The following PLCB1 variants were observed in gnomAD, a reference collection of about 807,000 sequenced individuals.
The protein encoded by PLCB1 is phospholipase C beta 1.
A neutral mutation model predicts 161.8 loss-of-function variants in PLCB1; 46 were observed. The ratio of observed to expected loss-of-function variants is 0.28; its 90% CI spans 0.22 to 0.36. PLCB1 has a LOEUF of 0.36. Ranked by LOEUF, PLCB1 falls within the 10% of genes least tolerant of loss-of-function variation. PLCB1 has a pLI of 1.00. For missense variants in PLCB1, 1,016 were observed against 1,472.5 expected (o/e 0.69, Z 5.07); for synonymous variants, 517 against 503.7 (o/e 1.03, Z -0.35).
intron 9 of PLCB1, among the ~76,000 whole-genome samples, chr20:8,674,163 C>A (rs1464479208): frequency 6.6e-6 from 1 of 152,136 alleles, no homozygotes; most frequent in African/African-American, 2.4e-5. Flanking sequence ...GATGAAGAGA[C>A]CAAAACTAGC....
intron 2 of PLCB1, among the ~76,000 whole-genome samples, chr20:8,193,638 C>T (rs2051993684): frequency 6.6e-6 from 1 of 151,928 alleles, no homozygotes. Flanking sequence ...ACTTTTTATA[C>T]TTCATAATTT....
intron 24 of PLCB1, among the ~76,000 whole-genome samples, chr20:8,758,536 G>A (rs6118310): frequency 0.24 from 36,114 of 151,630 alleles, 4,965 homozygotes; most frequent in Non-Finnish European, 0.32. Flanking sequence ...AGCTGAGATC[G>A]CACCACTGCA....
At chr20:8,871,304 C>T (rs1184655089) in intron 31 of PLCB1, among the ~76,000 whole-genome samples, 2 of 152,030 alleles carry the variant, frequency 1.3e-5, no homozygotes, top group South Asian at 2.1e-4. Flanking sequence ...AGGGAATTTA[C>T]AGCTACAGAG....
At chr20:8,377,960 T>C (rs1987143449) in intron 3 of PLCB1, among the ~76,000 whole-genome samples, 1 of 152,026 alleles carries the variant, frequency 6.6e-6, no homozygotes, top group Non-Finnish European at 1.5e-5. Flanking sequence ...GGAATGTAGG[T>C]GTAAAAGAAA....
intron 19 of PLCB1, among the ~76,000 whole-genome samples, chr20:8,736,402 T>A (rs1213050925): frequency 6.6e-6 from 1 of 152,252 alleles, no homozygotes; most frequent in Non-Finnish European, 1.5e-5. Context: ...TAAACTTATC[T>A]TGATGGTTTA....
chr20:8,202,434 A>G (rs908374228), intron 2 of PLCB1, among the ~76,000 whole-genome samples: 1 of 152,062 alleles, frequency 6.6e-6, no homozygotes, highest in Non-Finnish European at 1.5e-5. Flanking sequence ...GTTAATGTTG[A>G]TATTGTACCA....
chr20:8,871,422 G>C (rs1987605823), intron 31 of PLCB1, among the ~76,000 whole-genome samples: 1 of 152,154 alleles, frequency 6.6e-6, no homozygotes. Context: ...ATTCTACAAG[G>C]CTCAATTTTT....
At chr20:8,432,240 T>C (rs1277517807) in intron 3 of PLCB1, among the ~76,000 whole-genome samples, 2 of 152,122 alleles carry the variant, frequency 1.3e-5, no homozygotes, top group Non-Finnish European at 2.9e-5. Context: ...GCTTCCTGCC[T>C]GAAGATTGAA....
Position 8,503,916 on chromosome 20 carries a change from A to G in PLCB1, c.247-124378A>G, listed in dbSNP as rs979981182. On this transcript the variant is annotated intron_variant, in intron 3 of 31. Transcript: ENST00000338037. ...TAATATCTAAATTATGTGACTTACA[A>G]GCATATGGTGGAGAAAAGAATATGG... 8.5e-5 allele frequency among the ~76,000 whole-genome samples: 13 copies of G among 152,306 alleles called. 1 individual carries two copies. In the South Asian group the frequency reaches 1.9e-3, roughly 22 times the overall value.
chr20:8,528,261 C>T (rs151054377), intron 3 of PLCB1, among the ~76,000 whole-genome samples: 54 of 152,084 alleles, frequency 3.6e-4, no homozygotes, highest in African/African-American at 1.2e-3. Flanking sequence ...TTCATAACAG[C>T]TTTATTCATA....
At chr20:8,587,690 A>G (rs1018393724) in intron 3 of PLCB1, among the ~76,000 whole-genome samples, 2 of 152,150 alleles carry the variant, frequency 1.3e-5, no homozygotes, top group African/African-American at 4.8e-5. Flanking sequence ...CTTGCCTGAG[A>G]TTATAAATTT....
chr20:8,278,648 T>C (rs947529664), intron 2 of PLCB1, among the ~76,000 whole-genome samples: 3 of 152,060 alleles, frequency 2.0e-5, no homozygotes, highest in African/African-American at 7.2e-5. Context: ...AAGCTATCAC[T>C]ATATGTCCAT....
At chr20:8,266,786 C>A (rs1003161372) in intron 2 of PLCB1, among the ~76,000 whole-genome samples, 1 of 151,922 alleles carries the variant, frequency 6.6e-6, no homozygotes, top group Non-Finnish European at 1.5e-5. Context: ...CGCCTGTAAT[C>A]CCAGCATTTT....
intron 2 of PLCB1, among the ~76,000 whole-genome samples, chr20:8,278,874 A>AT (rs1300589066): frequency 2.0e-5 from 3 of 152,148 alleles, no homozygotes; most frequent in African/African-American, 7.2e-5. Flanking sequence ...GGAAACAGGC[A>AT]TAAGAATGCT....
At chr20:8,444,558 A>G (rs1042419528) in intron 3 of PLCB1, among the ~76,000 whole-genome samples, 1 of 152,226 alleles carries the variant, frequency 6.6e-6, no homozygotes, top group African/African-American at 2.4e-5. Flanking sequence ...CTTTGGGTAT[A>G]TACCCAGTAA....
intron 1 of PLCB1, among the ~76,000 whole-genome samples, chr20:8,147,946 C>T (rs1169800669): frequency 2.7e-5 from 4 of 146,692 alleles, no homozygotes; most frequent in African/African-American, 1.0e-4. Context: ...GATCTCAGCT[C>T]ACTGCAAGCT....
In PLCB1 at chr20:8,344,145, G is replaced by T. The variant is rs548608591; in HGVS notation, c.178-27237G>T. 5.3e-5 allele frequency among the ~76,000 whole-genome samples: 8 copies of T among 152,310 alleles called. No individual in the cohort carries two copies. The East Asian group carries it at 1.5e-3, about 29-fold the overall frequency. ...GCAAGGATTATTTGTTGTTGCTGAT[G>T]TTTGTTTTGTTGGGGGATCTTAGTC... On this transcript the variant is annotated intron_variant, in intron 2 of 31. Coordinates refer to ENST00000338037, the MANE Select transcript of PLCB1 (RefSeq NM_015192.4).
intron 31 of PLCB1, among the ~76,000 whole-genome samples, chr20:8,811,812 G>A (rs1984835579): frequency 6.6e-6 from 1 of 151,718 alleles, no homozygotes; most frequent in South Asian, 2.1e-4. Context: ...CTTCACATGT[G>A]CCTTTCTGTA....
intron 31 of PLCB1, among the ~76,000 whole-genome samples, chr20:8,855,519 A>C (rs1019466078): frequency 1.2e-4 from 19 of 152,208 alleles, no homozygotes; most frequent in Non-Finnish European, 2.1e-4. Context: ...ACACAAAAAA[A>C]CAAAAATCTT....
Sources: allele counts gnomAD v4.1 joint callset (sites outside exome capture counted in the v4.1 genomes callset), GRCh38; gene constraint gnomAD v4.1.1; transcripts MANE v1.5; gene names NCBI Gene and HGNC (gene_info 2026-07-23, HGNC 2026-07-21).